The following NUP160 variants were observed in gnomAD, a reference collection of about 807,000 sequenced individuals.
NUP160 encodes the protein nuclear pore complex protein Nup160.
NUP160 carries 94 observed loss-of-function variants against 196.9 expected under a neutral mutation model. The ratio of observed to expected loss-of-function variants is 0.48; its 90% CI spans 0.40 to 0.57. The LOEUF (loss-of-function observed/expected upper bound fraction) is 0.57. Among genes scored for constraint, NUP160 ranks in the 20% least tolerant of loss-of-function variants. The pLI is 0.00. For synonymous variants in NUP160, 605 were observed against 619.7 expected, an observed-to-expected ratio of 0.98 and a Z score of 0.35; for missense variants, 1,638 against 1,748.3, an observed-to-expected ratio of 0.94 and a Z score of 1.13.
intron 31 of NUP160, among the ~76,000 whole-genome samples, chr11:47,787,950 C>T (rs1029696703): frequency 6.6e-6 from 1 of 152,064 alleles, no homozygotes; most frequent in Admixed American, 6.6e-5. Context: ...TCTTGATCTC[C>T]TGGCCTCGTG....
intron 11 of NUP160, 111 bp downstream of exon 11, chr11:47,817,945 T>A (rs1309249372): frequency 1.7e-6 from 1 of 582,280 alleles, no homozygotes; most frequent in Non-Finnish European, 3.1e-6. Flanking sequence ...CACATATGTA[T>A]GAATACAGAA....
rs1484409533 is a variant in NUP160 at position 47,782,300 on chromosome 11, AAAAATATATATATATATATATATAT to A, written c.4116+748_4116+772del. On this transcript the variant is annotated intron_variant, in intron 34 of 35. Coordinates refer to ENST00000378460, the Ensembl canonical transcript of NUP160. ...GAGCAAAACTCAGTTAAAAAAAAAA[AAAAATATATATATATATATATATAT>A]ATATATATATATATATATATATATA... Among the ~76,000 whole-genome samples the A allele has an allele frequency of 2.0e-3, 87 of 42,522 alleles. 6 individuals are homozygous for A. The highest frequency in any genetic ancestry group is 0.017 in the South Asian group (20 of 1,162). 27.9% of individuals were successfully genotyped at this position (42,522 alleles called of 152,430 possible). A position where few individuals can be genotyped will look rare whatever the true frequency, so the allele number is the denominator to read the frequency against.
chr11:47,819,303 ACT>A (rs2135382349), intron 10 of NUP160, 69 bp downstream of exon 10: 1 of 1,104,230 alleles, frequency 9.1e-7, no homozygotes, highest in South Asian at 1.3e-5. Flanking sequence ...ACAGAGCGAG[ACT>A]CTGTCTCAAA....
chr11:47,839,590 C>G, intron 4 of NUP160: 1 of 456,940 alleles, frequency 2.2e-6, no homozygotes. Context: ...AATTAGGCAA[C>G]CCATCTCTAC....
At chr11:47,833,972 C>T (rs1852123398) in intron 7 of NUP160, among the ~76,000 whole-genome samples, 1 of 152,188 alleles carries the variant, frequency 6.6e-6, no homozygotes. Flanking sequence ...TATCTTTTCA[C>T]TGTAATACAT....
chr11:47,782,294 AAAAAAAAAAATATATATATATATATATAT>A (rs1314285441), intron 34 of NUP160, among the ~76,000 whole-genome samples: 7 of 40,618 alleles, frequency 1.7e-4, no homozygotes, highest in Non-Finnish European at 3.4e-4. Context: ...TCAGTTAAAA[AAAAAAAAAAATATATATATATATATATAT>A]ATATATATAT....
At chr11:47,792,572 A>G (rs2097668475) in intron 28 of NUP160, 1 of 473,582 alleles carries the variant, frequency 2.1e-6, no homozygotes, top group African/African-American at 2.0e-5. Context: ...CCACTCTGCA[A>G]TATTTCTTCC....
chr11:47,782,930 A>AT, intron 34 of NUP160, 143 bp downstream of exon 34: 1 of 726,546 alleles, frequency 1.4e-6, no homozygotes, highest in Admixed American at 2.8e-5. Flanking sequence ...AAGTGCTGGG[A>AT]TTATAGGCAT....
chr11:47,833,501 G>A (rs1219298657), intron 7 of NUP160, among the ~76,000 whole-genome samples: 1 of 151,794 alleles, frequency 6.6e-6, no homozygotes, highest in Non-Finnish European at 1.5e-5. Context: ...TCATTTCAGG[G>A]AAAACAAATG....
At chr11:47,806,441 G>T in intron 19 of NUP160, 129 bp from the exon 20 acceptor site, 1 of 664,708 alleles carries the variant, frequency 1.5e-6, no homozygotes, top group Non-Finnish European at 2.5e-6. Context: ...TGTATCACGG[G>T]TATATATCCA....
intron 22 of NUP160, among the ~76,000 whole-genome samples, chr11:47,802,222 G>C (rs1056932142): frequency 6.6e-6 from 1 of 151,874 alleles, no homozygotes; most frequent in African/African-American, 2.4e-5. Context: ...CACGAGGTGA[G>C]GAGTTTGAGA....
chr11:47,836,908 T>G, exon 6 of NUP160: 1 of 1,608,654 alleles, frequency 6.2e-7, no homozygotes, highest in Non-Finnish European at 8.5e-7. Context: ...ACATTCGTAG[T>G]TTATGATCCT....
chr11:47,795,161 C>G (rs1051631313), intron 27 of NUP160, among the ~76,000 whole-genome samples: 3 of 152,032 alleles, frequency 2.0e-5, no homozygotes, highest in South Asian at 2.1e-4. Flanking sequence ...CAATAAGATT[C>G]TGAAAAGTCC....
At chr11:47,792,293 C>T (rs1055883991) in intron 28 of NUP160, 2 of 303,302 alleles carry the variant, frequency 6.6e-6, no homozygotes, top group Non-Finnish European at 1.2e-5. Flanking sequence ...ATGTATCTGA[C>T]CCATCAGTAT....
At chr11:47,804,494 A>G in intron 21 of NUP160, 55 bp downstream of exon 21, 1 of 1,195,016 alleles carries the variant, frequency 8.4e-7, no homozygotes, top group Non-Finnish European at 1.2e-6. Flanking sequence ...AAAAAAATTC[A>G]GCAATCCCAT....
exon 17 of NUP160, chr11:47,812,181 A>G: frequency 6.2e-7 from 1 of 1,614,180 alleles, no homozygotes; most frequent in South Asian, 1.1e-5. Context: ...CTGTGTTACT[A>G]CCATAGAGCT....
rs773839908 is a variant in NUP160, at chr11:47,797,771, T to C, written c.3289+8A>G. 2.5e-5 allele frequency: 40 copies of C among 1,592,918 alleles called. No individual in the cohort carries two copies. The highest frequency in any genetic ancestry group is 5.4e-5 in the African/African-American group (4 of 74,418). On this transcript the variant is annotated splice_region_variant and intron_variant, in intron 27 of 35. Coordinates refer to ENST00000378460, the Ensembl canonical transcript of NUP160. Reference sequence around the variant, plus strand: ...GTCTGCAAGATACTGTCTGGTTACATTGCTCACCCTTGCGGTAATTGTGGC... The same window carrying C: ...GTCTGCAAGATACTGTCTGGTTACACTGCTCACCCTTGCGGTAATTGTGGC...
chr11:47,841,646 G>A, intron 2 of NUP160: 1 of 395,488 alleles, frequency 2.5e-6, no homozygotes. Context: ...TAGTTCGAGA[G>A]ATTGAGGGCT....
chr11:47,793,059 T>A lies in NUP160; in HGVS notation c.3290-113A>T, dbSNP rs1036440298. The A allele has an allele frequency of 3.8e-6, 3 of 799,488 alleles. No individual in the cohort carries two copies. In the African/African-American group the frequency reaches 5.4e-5, roughly 14 times the overall value. 49.5% of individuals were successfully genotyped at this position (799,488 alleles called of 1,614,324 possible). On this transcript the variant is annotated intron_variant, in intron 27 of 35. Transcript: ENST00000378460. ...TGGAGTGCAATGGCTTGATCTCAGC[T>A]CACTGCAACCTCCGCCTCCCTGGTT...
Sources: allele counts gnomAD v4.1 joint callset (sites outside exome capture counted in the v4.1 genomes callset), GRCh38; gene constraint gnomAD v4.1.1; transcripts MANE v1.5; gene names NCBI Gene and HGNC (gene_info 2026-07-23, HGNC 2026-07-21).